The following DYRK3 variants were observed in gnomAD, a reference collection of about 807,000 sequenced individuals.
The protein encoded by DYRK3 is dual specificity tyrosine-phosphorylation-regulated kinase 3.
Under a neutral mutation model 40.8 loss-of-function variants are expected in DYRK3, and 30 were observed. The observed-to-expected ratio is 0.74, with a 90% CI of 0.55 to 1.00. DYRK3 has a LOEUF of 1.00. Among genes scored for constraint, DYRK3 ranks in the 50% least tolerant of loss-of-function variants. The probability of loss-of-function intolerance (pLI) is 0.00; values close to 1 mark genes in which losing one functional copy is unlikely to be tolerated. For synonymous variants in DYRK3, 272 were observed against 260.7 expected, an observed-to-expected ratio of 1.04 and a Z score of -0.42; for missense variants, 699 against 731.5, an observed-to-expected ratio of 0.96 and a Z score of 0.51.
chr1:206,636,126 C>A, intron 1 of DYRK3: 1 of 1,284,954 alleles, frequency 7.8e-7, no homozygotes, highest in Non-Finnish European at 1.1e-6. Context: ...AGCCCGGGAG[C>A]AATACCTTGG....
At chr1:206,638,984 A>G (rs1312572492) in intron 2 of DYRK3, among the ~76,000 whole-genome samples, 1 of 150,324 alleles carries the variant, frequency 6.7e-6, no homozygotes, top group Non-Finnish European at 1.5e-5. Context: ...GGTCCAAGCA[A>G]TTCTCCTGCC....
Position 206,652,252 on chromosome 1 carries a change from A to G in DYRK3, c.*3287A>G, listed in dbSNP as rs1671650233. The stretch of plus-strand genomic sequence containing the variant: ...TGTTGAGGTTGTTTTGCCAGTTGTT[A>G]TCAGTGTTGAAGAACTGCTCCTGTA... On this transcript the variant is annotated 3_prime_UTR_variant, in exon 3 of 3. Coordinates refer to ENST00000367109, the MANE Select transcript of DYRK3 (RefSeq NM_003582.4). 6.6e-6 allele frequency among the ~76,000 whole-genome samples: 1 copy of G among 152,212 alleles called. No individual in the cohort carries two copies. Among genetic ancestry groups the G allele is most frequent in the African/African-American group, 2.4e-5 (1 of 41,452 alleles).
Position 206,651,571 on chromosome 1 carries a change from G to C in DYRK3, c.*2606G>C, listed in dbSNP as rs1289279338. Among the ~76,000 whole-genome samples the C allele has an allele frequency of 6.6e-6, 1 of 152,206 alleles. No homozygotes were observed. The highest frequency in any genetic ancestry group is 1.5e-5 in the Non-Finnish European group (1 of 68,040). Reference sequence around the variant, plus strand: ...AAAACTCAAATCTACTCTTTCAGTAGATATGAGCTTACATTGACTTATGAA... The same window carrying C: ...AAAACTCAAATCTACTCTTTCAGTACATATGAGCTTACATTGACTTATGAA... On this transcript the variant is annotated 3_prime_UTR_variant, in exon 3 of 3. Coordinates refer to ENST00000367109, the MANE Select transcript of DYRK3 (RefSeq NM_003582.4).
At chr1:206,638,458 G>A (rs1165448026) in intron 2 of DYRK3, among the ~76,000 whole-genome samples, 1 of 151,578 alleles carries the variant, frequency 6.6e-6, no homozygotes, top group Non-Finnish European at 1.5e-5. Context: ...TGTATTTTTA[G>A]TAGTCAGGGG....
chr1:206,644,729 A>G (rs1470900980), intron 2 of DYRK3, among the ~76,000 whole-genome samples: 2 of 152,006 alleles, frequency 1.3e-5, no homozygotes, highest in African/African-American at 2.4e-5. Flanking sequence ...TAGTAGAGAC[A>G]GGGTTTTGCC....
chr1:206,637,090 C>T, intron 1 of DYRK3: 1 of 730,900 alleles, frequency 1.4e-6, no homozygotes, highest in South Asian at 1.7e-5. Context: ...AAAGAGAAGA[C>T]AGCCTTAAAA....
rs1286119941 is a variant in DYRK3, at chr1:206,651,127, A to T, written c.*2162A>T. On this transcript the variant is annotated 3_prime_UTR_variant, in exon 3 of 3. Coordinates refer to ENST00000367109, the MANE Select transcript of DYRK3 (RefSeq NM_003582.4). ...GTCTGGTTATTGGTTTTCTTGTCTG[A>T]TAGTGGCATCTTGATCTCTTCAGAT... Among the ~76,000 whole-genome samples the T allele has an allele frequency of 6.6e-6, 1 of 152,148 alleles. No individual in the cohort carries two copies. The highest frequency in any genetic ancestry group is 2.4e-5 in the African/African-American group (1 of 41,440).
intron 2 of DYRK3, among the ~76,000 whole-genome samples, chr1:206,645,798 G>A (rs1435372822): frequency 2.0e-5 from 3 of 151,838 alleles, no homozygotes; most frequent in African/African-American, 7.3e-5. Context: ...AAGTTCTGGG[G>A]TTACAGGGAT....
rs1276619063 is a variant in DYRK3, at chr1:206,650,228, T to A, written c.*1263T>A. Reference sequence around the variant, plus strand: ...GTTGTTTCCTGTCCCTTGCTCTATTTCTGTCCTCTTCCAGAACAAAAGTAT... The same window carrying A: ...GTTGTTTCCTGTCCCTTGCTCTATTACTGTCCTCTTCCAGAACAAAAGTAT... On this transcript the variant is annotated 3_prime_UTR_variant, in exon 3 of 3. Coordinates refer to ENST00000367109, the MANE Select transcript of DYRK3 (RefSeq NM_003582.4). Among the ~76,000 whole-genome samples the A allele has an allele frequency of 6.6e-6, 1 of 152,238 alleles. No individual in the cohort carries two copies. The highest frequency in any genetic ancestry group is 1.5e-5 in the Non-Finnish European group (1 of 68,042).
At chr1:206,645,656 G>GGCAT (rs1572447999) in intron 2 of DYRK3, among the ~76,000 whole-genome samples, 1 of 150,896 alleles carries the variant, frequency 6.6e-6, no homozygotes. Context: ...TGGGATTACA[G>GGCAT]GCATGCATCC....
At chr1:206,644,106 C>T (rs1337642414) in intron 2 of DYRK3, among the ~76,000 whole-genome samples, 1 of 138,144 alleles carries the variant, frequency 7.2e-6, no homozygotes, top group Non-Finnish European at 1.5e-5. Flanking sequence ...GCAATCTTGG[C>T]CCACTGCAAC....
At position 206,635,548 on chromosome 1, in the gene DYRK3, G is replaced by T. The variant is rs1174870705; in HGVS notation, c.-156G>T. 5 of 991,604 alleles carry T rather than the reference G, an allele frequency of 5.0e-6. No individual in the cohort carries two copies. In the African/African-American group the frequency reaches 6.7e-5, roughly 13 times the overall value. The allele number at this position is 991,604 out of a possible 1,614,324, so 61.4% of individuals were successfully genotyped here. ...GCTGCGTCTCCCCACTTCCCAGCCG[G>T]GGCCAGTCGGGAGCGAAAGTGCGCT... On this transcript the variant is annotated 5_prime_UTR_variant, in exon 1 of 3. Coordinates refer to ENST00000367109, the MANE Select transcript of DYRK3 (RefSeq NM_003582.4).
chr1:206,651,368 T>A lies in DYRK3; in HGVS notation c.*2403T>A, dbSNP rs572397215. Among the ~76,000 whole-genome samples, 3 of 152,362 alleles carry A rather than the reference T, an allele frequency of 2.0e-5. No individual in the cohort carries two copies. Among genetic ancestry groups the A allele is most frequent in the Admixed American group, 2.0e-4 (3 of 15,306 alleles). ...TGCTAAATCATCATGGCCAGGAAGA[T>A]GAAACACCTTGAGAAATGGGAACAT... On this transcript the variant is annotated 3_prime_UTR_variant, in exon 3 of 3. Coordinates refer to ENST00000367109, the MANE Select transcript of DYRK3 (RefSeq NM_003582.4).
At position 206,652,863 on chromosome 1, in the gene DYRK3, GTTC is replaced by G. The variant is rs1161724943; in HGVS notation, c.*3901_*3903del. 6.6e-6 allele frequency among the ~76,000 whole-genome samples: 1 copy of G among 152,148 alleles called. No individual in the cohort carries two copies. Among genetic ancestry groups the G allele is most frequent in the Admixed American group, 6.5e-5 (1 of 15,280 alleles). On this transcript the variant is annotated 3_prime_UTR_variant, in exon 3 of 3. Coordinates refer to ENST00000367109, the MANE Select transcript of DYRK3 (RefSeq NM_003582.4). ...CTGTCTCTTCCTCAGTTACTGGATT[GTTC>G]TTTAGCCATTTTTCTTCTAGTCATT...
chr1:206,638,270 C>CTTTTTTTTTTTT (rs55807350), intron 2 of DYRK3, among the ~76,000 whole-genome samples: 2 of 73,502 alleles, frequency 2.7e-5, no homozygotes, highest in African/African-American at 5.4e-5. Flanking sequence ...AGACACTTAG[C>CTTTTTTTTTTTT]TTTTTTTTTT....
rs1671075672 is a variant in DYRK3 at position 206,635,659 on chromosome 1, AC to A, written c.-40del. ...CGGCGTAGGTGGCGTGGCCGACCGG[AC>A]CCCCAACTGGCGCCTCTCCCCGCGC... is the stretch of plus-strand genomic sequence containing the variant. On this transcript the variant is annotated 5_prime_UTR_variant, in exon 1 of 3. Coordinates refer to ENST00000367109, the MANE Select transcript of DYRK3 (RefSeq NM_003582.4). 4 of 1,244,372 alleles carry A rather than the reference AC, an allele frequency of 3.2e-6. No homozygotes were observed. Among genetic ancestry groups the A allele is most frequent in the Non-Finnish European group, 3.0e-6 (3 of 989,440 alleles). 77.1% of individuals were successfully genotyped at this position (1,244,372 alleles called of 1,614,324 possible).
In DYRK3 at chr1:206,650,049, T is replaced by C. The variant is rs1671592338; in HGVS notation, c.*1084T>C. Among the ~76,000 whole-genome samples, 1 of 152,264 alleles carries C rather than the reference T, an allele frequency of 6.6e-6. No homozygotes were observed. The highest frequency in any genetic ancestry group is 6.5e-5 in the Admixed American group (1 of 15,290). On this transcript the variant is annotated 3_prime_UTR_variant, in exon 3 of 3. Coordinates refer to ENST00000367109, the MANE Select transcript of DYRK3 (RefSeq NM_003582.4). ...GTGATAATCAAGTTTTCCCTTTTTA[T>C]GTTTCTTAATTTTATTCTCTTCAAC...
chr1:206,637,070 G>A lies in DYRK3; in HGVS notation c.78-580G>A, dbSNP rs541223448. On this transcript the variant is annotated intron_variant, in intron 1 of 2. Transcript: ENST00000367109. ...TAGGTAGATGTAAGTAGGTAAGTAA[G>A]TAAATGAATAAAGAGAAGACAGCCT... 7.1e-6 allele frequency: 6 copies of A among 842,472 alleles called. No individual in the cohort carries two copies. The East Asian group carries it at 7.6e-5, about 11-fold the overall frequency. The allele number at this position is 842,472 out of a possible 1,614,324, so 52.2% of individuals were successfully genotyped here.
Position 206,652,548 on chromosome 1 carries a change from A to G in DYRK3, c.*3583A>G, listed in dbSNP as rs1553421442. Among the ~76,000 whole-genome samples the G allele has an allele frequency of 6.6e-6, 1 of 152,240 alleles. No homozygotes were observed. Among genetic ancestry groups the G allele is most frequent in the African/African-American group, 2.4e-5 (1 of 41,472 alleles). ...GAAGGCAAATGGATGTTTCTGCCTC[A>G]ATTTGGCAACCGAGAGAGTGATGCA... On this transcript the variant is annotated 3_prime_UTR_variant, in exon 3 of 3. Coordinates refer to ENST00000367109, the MANE Select transcript of DYRK3 (RefSeq NM_003582.4).
Sources: gnomAD v4.1 joint callset for allele counts (sites outside exome capture counted in the v4.1 genomes callset) on GRCh38, gnomAD v4.1.1 for gene constraint, MANE v1.5 for transcripts, NCBI Gene and HGNC (gene_info 2026-07-23, HGNC 2026-07-21) for gene names.